BAALC: variants seen among roughly 807,000 people sequenced by gnomAD.
BAALC encodes BAALC binder of MAP3K1 and KLF4.
In BAALC, 9 loss-of-function variants were observed where a neutral mutation model predicts 15.5. The ratio of observed to expected loss-of-function variants is 0.58; its 90% CI spans 0.35 to 1.02. The LOEUF (loss-of-function observed/expected upper bound fraction) is 1.02, where lower values mean the gene tolerates loss of function less well. Ranked by LOEUF, BAALC falls within the 50% of genes least tolerant of loss-of-function variation. The probability of loss-of-function intolerance (pLI) is 0.02; values close to 1 mark genes in which losing one functional copy is unlikely to be tolerated. For synonymous variants in BAALC, 80 were observed against 74.6 expected (o/e 1.07, Z -0.37); for missense variants, 201 against 192.4 (o/e 1.04, Z -0.27).
At chr8:103,198,218 G>A (rs1265936863) in intron 1 of BAALC, 2 of 673,114 alleles carry the variant, frequency 3.0e-6, no homozygotes, top group Non-Finnish European at 5.4e-6. Flanking sequence ...TGATTCCTAT[G>A]TGGTGTTTCT....
chr8:103,228,272 C>T lies in BAALC; in HGVS notation c.*173C>T, dbSNP rs1812849424. The T allele has an allele frequency of 1.7e-6, 1 of 587,308 alleles. No homozygotes were observed. Among genetic ancestry groups the T allele is most frequent in the Non-Finnish European group, 3.0e-6 (1 of 330,152 alleles). The allele number at this position is 587,308 out of a possible 1,614,324, so 36.4% of individuals were successfully genotyped here. On this transcript the variant is annotated 3_prime_UTR_variant, in exon 3 of 3. Coordinates refer to ENST00000309982, the MANE Select transcript of BAALC (RefSeq NM_024812.3). ...CTGCTGCCTGATTTGTTGGGACCTT[C>T]TGAGCCTTCTACTTATCATGTAAAT...
chr8:103,191,997 A>G (rs900632935), intron 1 of BAALC, among the ~76,000 whole-genome samples: 3 of 152,212 alleles, frequency 2.0e-5, no homozygotes, highest in African/African-American at 7.2e-5. Flanking sequence ...TCAGTGTCTT[A>G]TATGACTGCC....
chr8:103,159,032 A>G (rs572745525), intron 1 of BAALC, among the ~76,000 whole-genome samples: 1 of 152,336 alleles, frequency 6.6e-6, no homozygotes, highest in Admixed American at 6.5e-5. Context: ...TGTACACCAC[A>G]TACAAAATTT....
At chr8:103,220,807 G>T (rs1434880218) in intron 2 of BAALC, among the ~76,000 whole-genome samples, 1 of 152,016 alleles carries the variant, frequency 6.6e-6, no homozygotes, top group Admixed American at 6.6e-5. Flanking sequence ...ATTTCTTTTT[G>T]CCATAATTAT....
At chr8:103,142,675 T>G (rs113050704) in intron 1 of BAALC, among the ~76,000 whole-genome samples, 2 of 152,182 alleles carry the variant, frequency 1.3e-5, no homozygotes, top group Admixed American at 6.5e-5. Context: ...CCGTGGTGAC[T>G]GGGAGTATAT....
chr8:103,185,974 C>T (rs1811826206), intron 1 of BAALC, among the ~76,000 whole-genome samples: 1 of 152,176 alleles, frequency 6.6e-6, no homozygotes, highest in South Asian at 2.1e-4. Flanking sequence ...TATTTGTCTT[C>T]TCTGCTTGTT....
chr8:103,186,616 C>T (rs1443252470), intron 1 of BAALC, among the ~76,000 whole-genome samples: 4 of 152,138 alleles, frequency 2.6e-5, no homozygotes, highest in Non-Finnish European at 2.9e-5. Flanking sequence ...CTTCCTGCTA[C>T]CCCAGGGACT....
In BAALC at chr8:103,181,768, G is replaced by T. The variant is rs74433263; in HGVS notation, c.161-31151G>T. ...ATATTAAAACTAATATTTATTAGCA[G>T]TTTCTATGGGCCAAACATGCTGCAT... On this transcript the variant is annotated intron_variant, in intron 1 of 2. Transcript: ENST00000309982. Among the ~76,000 whole-genome samples, 1,225 of 152,270 alleles carry T rather than the reference G, an allele frequency of 8.0e-3. 25 individuals are homozygous for T. Among genetic ancestry groups the T allele is most frequent in the African/African-American group, 0.028 (1,169 of 41,550 alleles).
chr8:103,174,332 A>C (rs1031244440), intron 1 of BAALC, among the ~76,000 whole-genome samples: 1 of 151,924 alleles, frequency 6.6e-6, no homozygotes, highest in Admixed American at 6.5e-5. Flanking sequence ...CTGGGAAGCA[A>C]CTGTGGTGAG....
chr8:103,141,566 T>A (rs1477418057), intron 1 of BAALC: 1 of 153,038 alleles, frequency 6.5e-6, no homozygotes, highest in East Asian at 1.9e-4. Flanking sequence ...TCTTGTCGCT[T>A]CCCCTTTTCT....
chr8:103,218,032 A>T, intron 2 of BAALC, among the ~76,000 whole-genome samples: 1 of 152,216 alleles, frequency 6.6e-6, no homozygotes, highest in Non-Finnish European at 1.5e-5. Flanking sequence ...AGTCAGGGGT[A>T]GCAGCTACTC....
chr8:103,215,486 AC>A (rs35770983), intron 2 of BAALC, among the ~76,000 whole-genome samples: 152,258 of 152,258 alleles, frequency 1, 76,129 homozygotes, highest in Non-Finnish European at 1. Context: ...TTGAGACAAC[AC>A]CCTCCCGCCA....
At position 103,150,998 on chromosome 8, in the gene BAALC, G is replaced by A. The variant is rs1810974081; in HGVS notation, c.160+9941G>A. Among the ~76,000 whole-genome samples, 3 of 149,548 alleles carry A rather than the reference G, an allele frequency of 2.0e-5. No individual in the cohort carries two copies. The Admixed American group carries it at 2.0e-4, about 10-fold the overall frequency. On this transcript the variant is annotated intron_variant, in intron 1 of 2. Coordinates refer to ENST00000309982, the MANE Select transcript of BAALC (RefSeq NM_024812.3). ...TACTTTGTTTGGAGATAATATAATAGTTGCAATGTTAAAGAATTTGATTTT... is the reference window on the plus strand; with the variant it reads ...TACTTTGTTTGGAGATAATATAATAATTGCAATGTTAAAGAATTTGATTTT...
chr8:103,171,457 G>GA (rs1811492554), intron 1 of BAALC, among the ~76,000 whole-genome samples: 1 of 151,616 alleles, frequency 6.6e-6, no homozygotes, highest in Non-Finnish European at 1.5e-5. Context: ...AAGTAAGAAA[G>GA]AAAGAAAAGA....
At position 103,213,034 on chromosome 8, in the gene BAALC, C is replaced by T; in HGVS notation, c.276C>T (p.Ser92=). ...NCETQCPNPQ[S]LSSGPLTQKQ... ...AGACCCAGTGCCCAAATCCCCAGAG[C>T]CTCAGCTCAGGCCCTCTGACCCAGA... The change falls in exon 2 of 3, where the codon AGC becomes AGT. Residue 92 remains serine, a synonymous_variant. Transcript: ENST00000309982. 6.2e-7 allele frequency: 1 copy of T among 1,614,138 alleles called. No homozygotes were observed. The highest frequency in any genetic ancestry group is 1.1e-5 in the South Asian group (1 of 91,080).
chr8:103,217,286 C>G (rs528983710), intron 2 of BAALC, among the ~76,000 whole-genome samples: 15 of 152,314 alleles, frequency 9.8e-5, no homozygotes, highest in African/African-American at 3.6e-4. Flanking sequence ...TTCTGAGTCC[C>G]TCAAAGGCCA....
chr8:103,200,822 CAG>C lies in BAALC; in HGVS notation c.161-12095_161-12094del, dbSNP rs1320884377. 9 of 616,266 alleles carry C rather than the reference CAG, an allele frequency of 1.5e-5. 1 individual carries two copies. Among genetic ancestry groups the C allele is most frequent in the African/African-American group, 1.8e-5 (1 of 56,280 alleles). The allele number at this position is 616,266 out of a possible 1,614,324, so 38.2% of individuals were successfully genotyped here. A position where few individuals can be genotyped will look rare whatever the true frequency, so the allele number is the denominator to read the frequency against. ...AGGGCACCAATATCGTTCATGAAGA[CAG>C]AACCGTCATGGCAATTGCTTCCTAA... On this transcript the variant is annotated intron_variant, in intron 1 of 2. Transcript: ENST00000309982.
chr8:103,164,221 G>A (rs1811292570), intron 1 of BAALC, among the ~76,000 whole-genome samples: 2 of 152,134 alleles, frequency 1.3e-5, no homozygotes, highest in East Asian at 1.9e-4. Context: ...ACAGGAATGG[G>A]CTTAATGTGA....
intron 1 of BAALC, among the ~76,000 whole-genome samples, chr8:103,149,345 A>T (rs1251764919): frequency 6.6e-6 from 1 of 152,206 alleles, no homozygotes; most frequent in Non-Finnish European, 1.5e-5. Context: ...GGGTTGCAGG[A>T]GGTGCCCCAG....
Sources: gnomAD v4.1 joint callset for allele counts (sites outside exome capture counted in the v4.1 genomes callset) on GRCh38, gnomAD v4.1.1 for gene constraint, MANE v1.5 for transcripts, NCBI Gene and HGNC (gene_info 2026-07-23, HGNC 2026-07-21) for gene names.